MTPAP: variants seen among roughly 807,000 people sequenced by gnomAD.
MTPAP encodes poly(A) RNA polymerase, mitochondrial.
MTPAP carries 23 observed loss-of-function variants against 48.7 expected under a neutral mutation model. The ratio of observed to expected loss-of-function variants is 0.47; its 90% CI spans 0.34 to 0.67. The LOEUF is 0.67. Ranked by LOEUF, MTPAP falls within the 30% of genes least tolerant of loss-of-function variation. MTPAP has a pLI of 0.01. For synonymous variants in MTPAP, 257 were observed against 254.1 expected (o/e 1.01, Z -0.11); for missense variants, 614 against 694.3 (o/e 0.88, Z 1.30).
chr10:30,346,189 C>A (rs920027064), intron 1 of MTPAP, among the ~76,000 whole-genome samples: 1 of 152,044 alleles, frequency 6.6e-6, no homozygotes, highest in Non-Finnish European at 1.5e-5. Flanking sequence ...AATGTCTTAA[C>A]TTCTGGATTG....
In MTPAP at chr10:30,311,687, G is replaced by C. The variant is rs1249018001; in HGVS notation, c.*1922C>G. The C allele has an allele frequency of 6.6e-6, 1 of 152,256 alleles. No homozygotes were observed. 9.4% of individuals were successfully genotyped at this position (152,256 alleles called of 1,614,324 possible). On this transcript the variant is annotated 3_prime_UTR_variant, in exon 9 of 9. Transcript: ENST00000263063. ...CTATACTACTTGCTTCTTTTCCTTTGAGAGAGTCTCACTGTCGCCCAGGAT... is the reference window on the plus strand; with the variant it reads ...CTATACTACTTGCTTCTTTTCCTTTCAGAGAGTCTCACTGTCGCCCAGGAT...
intron 3 of MTPAP, among the ~76,000 whole-genome samples, chr10:30,338,792 T>C (rs941534875): frequency 6.6e-6 from 1 of 152,222 alleles, no homozygotes; most frequent in East Asian, 1.9e-4. Flanking sequence ...AGTTGATTCT[T>C]TGGAAAGACT....
intron 5 of MTPAP, among the ~76,000 whole-genome samples, chr10:30,324,176 C>T (rs184638610): frequency 6.6e-6 from 1 of 152,070 alleles, no homozygotes; most frequent in Non-Finnish European, 1.5e-5. Flanking sequence ...AGTAAGGCAT[C>T]ATCTCAAACA....
At chr10:30,324,260 G>A (rs1834553729) in intron 5 of MTPAP, among the ~76,000 whole-genome samples, 1 of 152,188 alleles carries the variant, frequency 6.6e-6, no homozygotes, top group South Asian at 2.1e-4. Context: ...GCTCACGCCT[G>A]TAGTCCCAGC....
intron 1 of MTPAP, among the ~76,000 whole-genome samples, chr10:30,348,194 A>C (rs992427377): frequency 3.3e-5 from 5 of 152,202 alleles, no homozygotes; most frequent in African/African-American, 9.7e-5. Flanking sequence ...ACTAAATACA[A>C]TCCAATCAAT....
intron 4 of MTPAP, 27 bp from the exon 5 acceptor site, chr10:30,326,662 G>C (rs1834601141): frequency 6.4e-7 from 1 of 1,574,320 alleles, no homozygotes; most frequent in African/African-American, 1.4e-5. Flanking sequence ...TTTCTAAATA[G>C]GAGCTTTTGG....
intron 7 of MTPAP, 23 bp downstream of exon 7, chr10:30,316,095 C>G (rs1840658358): frequency 1.2e-6 from 2 of 1,608,760 alleles, no homozygotes; most frequent in African/African-American, 2.7e-5. Flanking sequence ...CAGAAAGGAT[C>G]AAGTAAACAG....
At chr10:30,317,094 A>G (rs1840672550) in intron 6 of MTPAP, among the ~76,000 whole-genome samples, 1 of 152,126 alleles carries the variant, frequency 6.6e-6, no homozygotes, top group African/African-American at 2.4e-5. Flanking sequence ...TAATGGAGTT[A>G]TATTTTAAAA....
At chr10:30,314,905 AGAAG>A (rs1425418463) in intron 8 of MTPAP, among the ~76,000 whole-genome samples, 1 of 108,552 alleles carries the variant, frequency 9.2e-6, no homozygotes, top group Non-Finnish European at 1.7e-5. Context: ...AAAAAAAAAA[AGAAG>A]AGAAAAGAAA....
At chr10:30,341,445 T>C (rs1477897749) in intron 2 of MTPAP, 23 bp downstream of exon 2, 4 of 1,607,662 alleles carry the variant, frequency 2.5e-6, no homozygotes, top group Admixed American at 3.4e-5. Context: ...AACGTTAAGT[T>C]AGATTGTTTT....
At position 30,345,708 on chromosome 10, in the gene MTPAP, A is replaced by G. The variant is rs139602190; in HGVS notation, c.157+3411T>C. ...ATTTTATGACAGATTGAAATGTGCA[A>G]TGGTCTTGATAATACAATATGGTAA... On this transcript the variant is annotated intron_variant, in intron 1 of 8. Transcript: ENST00000263063. Among the ~76,000 whole-genome samples, 12 of 152,352 alleles carry G rather than the reference A, an allele frequency of 7.9e-5. No individual in the cohort carries two copies. The East Asian group carries it at 1.9e-3, about 24-fold the overall frequency.
intron 3 of MTPAP, among the ~76,000 whole-genome samples, chr10:30,337,743 C>T (rs368797406): frequency 2.6e-5 from 4 of 152,004 alleles, no homozygotes; most frequent in South Asian, 2.1e-4. Context: ...AAAACAACCA[C>T]GTTAGACATT....
intron 3 of MTPAP, chr10:30,339,929 C>T (rs1284987105): frequency 2.4e-6 from 1 of 413,258 alleles, no homozygotes; most frequent in East Asian, 5.1e-5. Flanking sequence ...CATTAGGAAC[C>T]ATATACAATC....
intron 3 of MTPAP, among the ~76,000 whole-genome samples, chr10:30,339,433 A>C (rs1158426440): frequency 6.6e-6 from 1 of 150,846 alleles, no homozygotes; most frequent in Non-Finnish European, 1.5e-5. Flanking sequence ...CAGTAAGCCA[A>C]GATCATGCCA....
At chr10:30,319,243 T>C (rs1282456985) in intron 6 of MTPAP, among the ~76,000 whole-genome samples, 2 of 152,164 alleles carry the variant, frequency 1.3e-5, no homozygotes, top group African/African-American at 4.8e-5. Flanking sequence ...CTGCATACAA[T>C]GTGAAAAAGT....
chr10:30,338,271 TAACATAACATAACATAAC>T (rs145776666), intron 3 of MTPAP, among the ~76,000 whole-genome samples: 14 of 151,190 alleles, frequency 9.3e-5, no homozygotes, highest in Admixed American at 2.7e-4. Context: ...AAAAATAACG[TAACATAACATAACATAAC>T]AACATAACAT....
intron 4 of MTPAP, among the ~76,000 whole-genome samples, chr10:30,335,664 G>A (rs1020596309): frequency 6.6e-6 from 1 of 152,076 alleles, no homozygotes; most frequent in Non-Finnish European, 1.5e-5. Context: ...GAAAAAAAGG[G>A]TAAGGAGGAA....
chr10:30,338,181 G>T (rs879624263), intron 3 of MTPAP, among the ~76,000 whole-genome samples: 1 of 152,034 alleles, frequency 6.6e-6, no homozygotes, highest in Non-Finnish European at 1.5e-5. Context: ...GGTCACTTGA[G>T]TCCAGGAGTA....
intron 3 of MTPAP, 34 bp downstream of exon 3, chr10:30,340,192 A>C: frequency 6.7e-7 from 1 of 1,494,064 alleles, no homozygotes; most frequent in African/African-American, 1.4e-5. Context: ...AAAAATACAT[A>C]GTTCTAAAAG....
Sources: allele counts gnomAD v4.1 joint callset (sites outside exome capture counted in the v4.1 genomes callset), GRCh38; gene constraint gnomAD v4.1.1; transcripts MANE v1.5; gene names NCBI Gene and HGNC (gene_info 2026-07-23, HGNC 2026-07-21).